The following MID1 variants were observed in gnomAD, a reference collection of about 807,000 sequenced individuals.
MID1 encodes the protein E3 ubiquitin-protein ligase Midline-1.
MID1 carries 7 observed loss-of-function variants against 40.4 expected under a neutral mutation model. The observed-to-expected ratio is 0.17, with a 90% CI of 0.10 to 0.33. MID1 has a LOEUF of 0.33. MID1 is among the 10% of genes least tolerant of loss of function. MID1 has a pLI of 1.00. For synonymous variants in MID1, 229 were observed against 221.2 expected, an observed-to-expected ratio of 1.04 and a Z score of -0.31; for missense variants, 367 against 558.5, an observed-to-expected ratio of 0.66 and a Z score of 3.46.
At chrX:10,495,516 C>T (rs1164162047) in intron 4 of MID1, 68 bp downstream of exon 4, 2 of 824,270 alleles carry the variant, frequency 2.4e-6, no homozygotes, top group South Asian at 2.0e-5. Context: ...TTCCAAAGTC[C>T]CTGGAGTGTA....
intron 1 of MID1, among the ~76,000 whole-genome samples, chrX:10,598,257 A>G (rs1935450806): frequency 1.8e-5 from 2 of 112,115 alleles, no homozygotes; most frequent in African/African-American, 6.5e-5. Flanking sequence ...AAAAGTCACA[A>G]AACTTCGCTT....
chrX:10,818,170 C>T (rs747899108), intron 1 of MID1, among the ~76,000 whole-genome samples: 8 of 112,145 alleles, frequency 7.1e-5, no homozygotes, highest in Non-Finnish European at 1.3e-4. Flanking sequence ...ACATTATCTT[C>T]CAAATAAATT....
intron 1 of MID1, among the ~76,000 whole-genome samples, chrX:10,785,265 TGAAGGA>T: frequency 9.1e-6 from 1 of 110,121 alleles, no homozygotes; most frequent in East Asian, 2.8e-4. Context: ...ACAAGGGATG[TGAAGGA>T]CCTCTTCAAG....
At chrX:10,761,969 T>C (rs1308664768) in intron 1 of MID1, among the ~76,000 whole-genome samples, 1 of 112,013 alleles carries the variant, frequency 8.9e-6, no homozygotes, top group Non-Finnish European at 1.9e-5. Flanking sequence ...ATAGATTGGC[T>C]TTAACTACAG....
intron 1 of MID1, among the ~76,000 whole-genome samples, chrX:10,612,606 C>T (rs1053817559): frequency 1.8e-5 from 2 of 112,452 alleles, no homozygotes; most frequent in Non-Finnish European, 3.8e-5. Context: ...AAAAGAAGCA[C>T]AAAACCCAAA....
intron 1 of MID1, among the ~76,000 whole-genome samples, chrX:10,830,355 C>T (rs1458171968): frequency 8.9e-6 from 1 of 112,567 alleles, no homozygotes; most frequent in Non-Finnish European, 1.9e-5. Context: ...CTATCCATTG[C>T]ATGAAGACTT....
intron 6 of MID1, among the ~76,000 whole-genome samples, chrX:10,473,080 A>G (rs1279910294): frequency 8.8e-6 from 1 of 113,094 alleles, no homozygotes; most frequent in Non-Finnish European, 1.9e-5. Flanking sequence ...GCCACGAGCT[A>G]CATGTGGTGG....
At chrX:10,631,652 G>A in intron 1 of MID1, among the ~76,000 whole-genome samples, 1 of 112,420 alleles carries the variant, frequency 8.9e-6, no homozygotes, top group South Asian at 3.7e-4. Context: ...GCATGACTCA[G>A]TTTCCATCGT....
chrX:10,663,514 TTTTTTTGTTTG>T (rs1213583314), intron 1 of MID1, among the ~76,000 whole-genome samples: 5 of 111,689 alleles, frequency 4.5e-5, no homozygotes, highest in South Asian at 3.7e-4. Context: ...CCTGCATTTG[TTTTTTTGTTTG>T]TTTTTTGTTT....
At position 10,567,311 on chromosome X, in the gene MID1, T is replaced by C. The variant is rs773584650; in HGVS notation, c.237A>G (p.Leu79=). 1.6e-4 allele frequency: 192 copies of C among 1,192,592 alleles called. No individual in the cohort carries two copies. Among genetic ancestry groups the C allele is most frequent in the Non-Finnish European group, 2.0e-4 (175 of 885,074 alleles). ...GLDGLKRNVT[L]QNIIDRFQKA... ...TCTGGAACCTGTCGATGATGTTCTG[T>C]AGGGTGACGTTGCGCTTGAGCCCGT... Residue 79 remains leucine, a synonymous_variant, in exon 2 of 10, where the codon CTA becomes CTG. Transcript: ENST00000317552.
intron 1 of MID1, among the ~76,000 whole-genome samples, chrX:10,632,751 C>T (rs1470799082): frequency 9.0e-6 from 1 of 111,388 alleles, no homozygotes; most frequent in Non-Finnish European, 1.9e-5. Flanking sequence ...CAGCCCAAGC[C>T]TGCCCACCAC....
intron 8 of MID1, 144 bp downstream of exon 8, chrX:10,459,502 C>T: frequency 1.6e-6 from 1 of 630,299 alleles, no homozygotes; most frequent in Non-Finnish European, 2.5e-6. Flanking sequence ...GATGCAAATT[C>T]CATTATTCCA....
intron 1 of MID1, among the ~76,000 whole-genome samples, chrX:10,717,085 A>T (rs1249282121): frequency 6.2e-5 from 7 of 112,180 alleles, no homozygotes; most frequent in Admixed American, 1.9e-4. Context: ...AGCCACTGCA[A>T]AAACATGCCA....
At position 10,686,719 on chromosome X, in the gene MID1, T is replaced by C. The variant is rs986007830; in HGVS notation, c.-186-66300A>G. ...TAAAGAGAAGGGGGAAGAAGCAAGA[T>C]TGGGCAGACAAAGCAGCCAAACTGC... On this transcript the variant is annotated intron_variant, in intron 1 of 10. Transcript: ENST00000380785. 7.1e-5 allele frequency among the ~76,000 whole-genome samples: 8 copies of C among 112,281 alleles called. No individual in the cohort carries two copies. The East Asian group carries it at 2.2e-3, about 31-fold the overall frequency.
At chrX:10,515,703 A>C (rs1253271655) in intron 3 of MID1, among the ~76,000 whole-genome samples, 1 of 112,039 alleles carries the variant, frequency 8.9e-6, no homozygotes, top group Non-Finnish European at 1.9e-5. Context: ...ATCCTCTTGA[A>C]ACCATTATGG....
chrX:10,806,065 T>A lies in MID1; in HGVS notation c.-187+27489A>T, dbSNP rs1987577258. 2.8e-5 allele frequency among the ~76,000 whole-genome samples: 3 copies of A among 106,616 alleles called. No homozygotes were observed. The Admixed American group carries it at 3.0e-4, about 11-fold the overall frequency. 92.6% of individuals were successfully genotyped at this position (106,616 alleles called of 115,157 possible). A position where few individuals can be genotyped will look rare whatever the true frequency, so the allele number is the denominator to read the frequency against. On this transcript the variant is annotated intron_variant, in intron 1 of 10. Coordinates refer to the MID1 transcript ENST00000380785. ...GTAGTTTCTTTTGCTGTGCAGAAGCTCTTTAGTTTAATTAGATCCCATTTG... is the reference window on the plus strand; with the variant it reads ...GTAGTTTCTTTTGCTGTGCAGAAGCACTTTAGTTTAATTAGATCCCATTTG...
chrX:10,588,578 T>C (rs1049560102), intron 1 of MID1, among the ~76,000 whole-genome samples: 1 of 110,290 alleles, frequency 9.1e-6, no homozygotes, highest in African/African-American at 3.3e-5. Context: ...TAACTACTTG[T>C]ATATTTCTCT....
chrX:10,587,156 T>C (rs1170165595), intron 1 of MID1, among the ~76,000 whole-genome samples: 1 of 112,491 alleles, frequency 8.9e-6, no homozygotes, highest in Non-Finnish European at 1.9e-5. Flanking sequence ...CAATGTCTTA[T>C]TTTTTCTCCT....
At chrX:10,811,644 T>C (rs1191301191) in intron 1 of MID1, among the ~76,000 whole-genome samples, 8 of 111,750 alleles carry the variant, frequency 7.2e-5, no homozygotes, top group Non-Finnish European at 1.1e-4. Flanking sequence ...TGTTCATTGA[T>C]AGTGATTCTG....
Sources: gnomAD v4.1 joint callset for allele counts (sites outside exome capture counted in the v4.1 genomes callset) on GRCh38, gnomAD v4.1.1 for gene constraint, MANE v1.5 for transcripts, NCBI Gene and HGNC (gene_info 2026-07-23, HGNC 2026-07-21) for gene names.